The following MS4A12 variants were observed in gnomAD, a reference collection of about 807,000 sequenced individuals.
MS4A12 encodes membrane spanning 4-domains A12.
In MS4A12, 28 loss-of-function variants were observed where a neutral mutation model predicts 23.7. The ratio of observed to expected loss-of-function variants is 1.18; its 90% CI spans 0.88 to 1.62. The LOEUF (loss-of-function observed/expected upper bound fraction) is 1.62, where lower values mean the gene tolerates loss of function less well. MS4A12 is among the 40% of genes most tolerant of loss of function. The probability of loss-of-function intolerance (pLI) is 0.00; values close to 1 mark genes in which losing one functional copy is unlikely to be tolerated. For synonymous variants in MS4A12, 108 were observed against 110.1 expected, an observed-to-expected ratio of 0.98 and a Z score of 0.12; for missense variants, 342 against 327.0, an observed-to-expected ratio of 1.05 and a Z score of -0.35.
At chr11:60,495,554 T>C (rs1226903621) in intron 1 of MS4A12, among the ~76,000 whole-genome samples, 1 of 152,022 alleles carries the variant, frequency 6.6e-6, no homozygotes, top group African/African-American at 2.4e-5. Context: ...CAATTCCACA[T>C]ACTTTGCAGA....
chr11:60,497,028 A>G (rs921779595), intron 1 of MS4A12, among the ~76,000 whole-genome samples: 1 of 152,188 alleles, frequency 6.6e-6, no homozygotes, highest in Non-Finnish European at 1.5e-5. Flanking sequence ...TGAGAATCCA[A>G]TGCCATGCTG....
At chr11:60,494,958 T>C (rs2086476625) in intron 1 of MS4A12, among the ~76,000 whole-genome samples, 2 of 152,022 alleles carry the variant, frequency 1.3e-5, no homozygotes, top group South Asian at 4.2e-4. Flanking sequence ...CCTTTTTCCT[T>C]GTTTAAAATA....
intron 2 of MS4A12, among the ~76,000 whole-genome samples, chr11:60,498,633 T>C (rs1246917102): frequency 6.6e-6 from 1 of 152,144 alleles, no homozygotes; most frequent in Non-Finnish European, 1.5e-5. Flanking sequence ...TCAGACTGTA[T>C]ACATAATAAG....
intron 4 of MS4A12, among the ~76,000 whole-genome samples, chr11:60,503,453 C>A (rs149048900): frequency 6.6e-6 from 1 of 151,934 alleles, no homozygotes; most frequent in South Asian, 2.1e-4. Flanking sequence ...TAGTAAAATC[C>A]AATAGATGAG....
rs749651675 is a variant in MS4A12, at chr11:60,501,192, T to C, written c.414+10T>C. 2.5e-6 allele frequency: 4 copies of C among 1,599,254 alleles called. No individual in the cohort carries two copies. The South Asian group carries it at 4.6e-5, about 18-fold the overall frequency. On this transcript the variant is annotated intron_variant, in intron 3 of 6. Coordinates refer to ENST00000016913, the MANE Select transcript of MS4A12 (RefSeq NM_017716.3). ...CTGGGGTGGCCTTTCTGTGAGTAGA[T>C]TGCTAGAACACCAGTCCTTCTTGGT...
chr11:60,496,434 C>T (rs1056422551), intron 1 of MS4A12, among the ~76,000 whole-genome samples: 5 of 152,094 alleles, frequency 3.3e-5, no homozygotes, highest in African/African-American at 1.2e-4. Context: ...AACAAAATTT[C>T]CCTTGCCTAC....
intron 2 of MS4A12, 93 bp from the exon 3 acceptor site, chr11:60,500,952 T>C (rs2086525417): frequency 7.1e-7 from 1 of 1,417,818 alleles, no homozygotes; most frequent in South Asian, 1.4e-5. Flanking sequence ...CTCAGCAAAA[T>C]TGACAATAAA....
chr11:60,498,227 C>G (rs2086504454), intron 2 of MS4A12, among the ~76,000 whole-genome samples: 1 of 152,172 alleles, frequency 6.6e-6, no homozygotes, highest in Non-Finnish European at 1.5e-5. Flanking sequence ...TCCGTGCTTT[C>G]CAAATACATC....
At position 60,497,295 on chromosome 11, in the gene MS4A12, A is replaced by T. The variant is rs2086494575; in HGVS notation, c.-6-18A>T. The T allele has an allele frequency of 2.5e-6, 4 of 1,580,544 alleles. No homozygotes were observed. The South Asian group carries it at 3.5e-5, about 14-fold the overall frequency. On this transcript the variant is annotated intron_variant, in intron 1 of 6. Coordinates refer to ENST00000016913, the MANE Select transcript of MS4A12 (RefSeq NM_017716.3). ...TTCTGGATAAACGTATCACTTTTGT[A>T]TGTTTTGTGATACTTAGGACATAAT...
chr11:60,498,700 G>A (rs1176190467), intron 2 of MS4A12, among the ~76,000 whole-genome samples: 3 of 152,184 alleles, frequency 2.0e-5, no homozygotes, highest in Non-Finnish European at 4.4e-5. Flanking sequence ...AAACAAAGAA[G>A]TGTAAAAGGG....
In MS4A12 at chr11:60,507,108, CT is replaced by C. The variant is rs754928643; in HGVS notation, c.789del (p.Asn264MetfsTer39). The C allele has an allele frequency of 6.2e-5, 100 of 1,611,666 alleles. No individual in the cohort carries two copies. In the Admixed American group the frequency reaches 6.7e-4, roughly 11 times the overall value. On this transcript the variant is annotated frameshift_variant, in exon 7 of 7. Coordinates refer to ENST00000016913, the MANE Select transcript of MS4A12 (RefSeq NM_017716.3). LOFTEE classifies it low-confidence loss of function (END_TRUNC). ...SAPPRCNNYS[A>X]NAPK is the part of the protein sequence containing the mutation. ...CCTCCCAGATGCAACAACTACTCAG[CT>C]AATGCCCCTAAATAGTAAAAGAAAA...
At chr11:60,500,917 G>A (rs904230571) in intron 2 of MS4A12, 128 bp from the exon 3 acceptor site, 156 of 1,040,694 alleles carry the variant, frequency 1.5e-4, no homozygotes, top group Non-Finnish European at 1.9e-4. Context: ...TGCTTCAGAT[G>A]TGTGCCTGAA....
chr11:60,503,693 T>C lies in MS4A12; in HGVS notation c.472-8T>C, dbSNP rs1333732190. The C allele has an allele frequency of 6.2e-7, 1 of 1,602,620 alleles. No homozygotes were observed. Among genetic ancestry groups the C allele is most frequent in the South Asian group, 1.1e-5 (1 of 89,756 alleles). ...ATATAATTGATTTTTTCCTGCCATCTCCATTAGGTGAAAGGCAGCCTGGGA... is the reference window on the plus strand; with the variant it reads ...ATATAATTGATTTTTTCCTGCCATCCCCATTAGGTGAAAGGCAGCCTGGGA... On this transcript the variant is annotated splice_polypyrimidine_tract_variant and splice_region_variant and intron_variant, in intron 4 of 6. Transcript: ENST00000016913.
intron 5 of MS4A12, among the ~76,000 whole-genome samples, 181 bp downstream of exon 5, chr11:60,503,998 A>T (rs1302008414): frequency 6.6e-5 from 10 of 152,246 alleles, no homozygotes; most frequent in Non-Finnish European, 1.5e-4. Flanking sequence ...ACCTCTACAG[A>T]TAGACCGAGG....
chr11:60,506,715 T>C lies in MS4A12; in HGVS notation c.589-13T>C. Reference sequence around the variant, plus strand: ...TGATTAGCCAAAATTTCACTATTTATTTATGATTTCAGCTTTCTGGAAAAG... The same window carrying C: ...TGATTAGCCAAAATTTCACTATTTACTTATGATTTCAGCTTTCTGGAAAAG... On this transcript the variant is annotated splice_polypyrimidine_tract_variant and intron_variant, in intron 5 of 6. Transcript: ENST00000016913. 6.2e-7 allele frequency: 1 copy of C among 1,611,002 alleles called. No individual in the cohort carries two copies. Among genetic ancestry groups the C allele is most frequent in the Non-Finnish European group, 8.5e-7 (1 of 1,177,270 alleles).
At chr11:60,495,664 T>G (rs2086482741) in intron 1 of MS4A12, among the ~76,000 whole-genome samples, 1 of 152,120 alleles carries the variant, frequency 6.6e-6, no homozygotes, top group Non-Finnish European at 1.5e-5. Context: ...TTAACAAACT[T>G]GCCAAAGACA....
chr11:60,497,410 A>C lies in MS4A12; in HGVS notation c.92A>C (p.Gln31Pro), dbSNP rs2135227859. The stretch of plus-strand genomic sequence containing the variant: ...AGCAGCTTTATGGCTCCTGGATTTC[A>C]ACAGCCTCTGGGTTCAATCAACTTA... ...PPSSFMAPGF[Q>P]QPLGSINLEN... Residue 31 changes from glutamine (Q) to proline (P), a missense_variant, in exon 2 of 7, where the codon CAA becomes CCA. Coordinates refer to ENST00000016913, the MANE Select transcript of MS4A12 (RefSeq NM_017716.3). 1 of 1,614,082 alleles carries C rather than the reference A, an allele frequency of 6.2e-7. No homozygotes were observed. The highest frequency in any genetic ancestry group is 2.2e-5 in the East Asian group (1 of 44,896).
chr11:60,506,983 A>G, intron 6 of MS4A12, 37 bp from the exon 7 acceptor site: 1 of 1,567,054 alleles, frequency 6.4e-7, no homozygotes, highest in South Asian at 1.1e-5. Flanking sequence ...ATAGGATTGT[A>G]GTAACCATAT....
intron 1 of MS4A12, among the ~76,000 whole-genome samples, chr11:60,496,268 A>G (rs1366773578): frequency 6.6e-6 from 1 of 152,074 alleles, no homozygotes; most frequent in Non-Finnish European, 1.5e-5. Context: ...CATCACTCTA[A>G]CTTTCTTGAT....
Sources: gnomAD v4.1 joint callset for allele counts (sites outside exome capture counted in the v4.1 genomes callset) on GRCh38, gnomAD v4.1.1 for gene constraint, MANE v1.5 for transcripts, NCBI Gene and HGNC (gene_info 2026-07-23, HGNC 2026-07-21) for gene names.